The following MINDY1 variants were observed in gnomAD, a reference collection of about 807,000 sequenced individuals.
MINDY1 encodes the protein MINDY lysine 48 deubiquitinase 1.
Under a neutral mutation model 53.6 loss-of-function variants are expected in MINDY1, and 50 were observed. The observed-to-expected ratio is 0.93, with a 90% CI of 0.74 to 1.18. The LOEUF is 1.18. Among genes scored for constraint, MINDY1 ranks in the 50% most tolerant of loss-of-function variants. The pLI is 0.00. For missense variants in MINDY1, 484 were observed against 578.6 expected, an observed-to-expected ratio of 0.84 and a Z score of 1.68; for synonymous variants, 231 against 234.7, an observed-to-expected ratio of 0.98 and a Z score of 0.14.
chr1:151,000,648 A>T (rs781028977), intron 4 of MINDY1, 33 bp from the exon 5 acceptor site: 5 of 1,590,756 alleles, frequency 3.1e-6, no homozygotes, highest in Non-Finnish European at 4.3e-6. Flanking sequence ...TGGAGATTCT[A>T]GCCTTCTCTC....
At position 150,997,892 on chromosome 1, in the gene MINDY1, A is replaced by T; in HGVS notation, c.1174-113T>A. ...TCAAATTCTCTAGCTCTTTCTCCCCACAGAGCAGCACACACAGCCAAATGC... is the reference window on the plus strand; with the variant it reads ...TCAAATTCTCTAGCTCTTTCTCCCCTCAGAGCAGCACACACAGCCAAATGC... On this transcript the variant is annotated intron_variant, in intron 8 of 9. Coordinates refer to ENST00000683666, the MANE Select transcript of MINDY1 (RefSeq NM_001376665.1). 3.2e-6 allele frequency: 4 copies of T among 1,251,456 alleles called. No individual in the cohort carries two copies. The South Asian group carries it at 5.9e-5, about 19-fold the overall frequency. 77.5% of individuals were successfully genotyped at this position (1,251,456 alleles called of 1,614,324 possible). A position where few individuals can be genotyped will look rare whatever the true frequency, so the allele number is the denominator to read the frequency against.
chr1:150,999,225 A>G lies in MINDY1; in HGVS notation c.981+144T>C. 8.3e-7 allele frequency: 1 copy of G among 1,201,062 alleles called. No individual in the cohort carries two copies. Among genetic ancestry groups the G allele is most frequent in the East Asian group, 2.4e-5 (1 of 42,142 alleles). 74.4% of individuals were successfully genotyped at this position (1,201,062 alleles called of 1,614,324 possible). A position where few individuals can be genotyped will look rare whatever the true frequency, so the allele number is the denominator to read the frequency against. ...AGTGGACACGCACCAGGAGCGGGAA[A>G]TGAACCTTTGTTGTGGTAAACCACA... On this transcript the variant is annotated intron_variant, in intron 7 of 9. Transcript: ENST00000683666. This position sits in a 1 kb window ranked among gnomAD's most constrained non-coding sequence, Gnocchi z 4.4.
chr1:150,997,541 C>G, intron 9 of MINDY1, 83 bp downstream of exon 9: 3 of 1,598,122 alleles, frequency 1.9e-6, no homozygotes, highest in Non-Finnish European at 2.5e-6. Context: ...CTTGAAGAGA[C>G]CAGTGCAGGA....
chr1:151,002,451 G>T lies in MINDY1; in HGVS notation c.167C>A (p.Ala56Asp). 1.9e-6 allele frequency: 3 copies of T among 1,614,184 alleles called. No homozygotes were observed. Among genetic ancestry groups the T allele is most frequent in the Non-Finnish European group, 2.5e-6 (3 of 1,180,038 alleles). The change falls in exon 2 of 10, where the codon GCT becomes GAT. Residue 56 changes from alanine (A) to aspartate (D), a missense_variant. Ala to Asp is a moderately radical substitution (Grantham distance 126, BLOSUM62 -2). Coordinates refer to ENST00000683666, the MANE Select transcript of MINDY1 (RefSeq NM_001376665.1). The surrounding 1 kb of genome is among the most constrained non-coding windows in gnomAD (Gnocchi z 4.1). The part of the protein sequence containing the change: ...EAREREPADQ[A>D]LLPSQCGDNL... The stretch of plus-strand genomic sequence containing the variant: ...GTCCCCACACTGGCTAGGCAGCAAA[G>T]CTTGGTCTGCTGGCTCCCGTTCTCT...
upstream of MINDY1, chr1:151,008,162 G>T: frequency 1.2e-6 from 1 of 844,308 alleles, no homozygotes; most frequent in Non-Finnish European, 1.4e-6. Flanking sequence ...CAGATGCTCG[G>T]TGTGATATAT....
chr1:151,004,002 AAC>A lies in MINDY1; in HGVS notation c.-89-1298_-89-1297del, dbSNP rs370994395. Reference sequence around the variant, plus strand: ...CAATGGTGCGACCTCGGCTCACTGCAACCTCTGCCTCCTGGGTTCAAGTGATT... The same window carrying A: ...CAATGGTGCGACCTCGGCTCACTGCACTCTGCCTCCTGGGTTCAAGTGATT... On this transcript the variant is annotated intron_variant, in intron 1 of 9. Transcript: ENST00000683666. Among the ~76,000 whole-genome samples the A allele has an allele frequency of 2.5e-3, 381 of 152,184 alleles. 3 individuals are homozygous for A. Among genetic ancestry groups the A allele is most frequent in the African/African-American group, 8.7e-3 (360 of 41,508 alleles).
At chr1:151,000,348 C>T (rs944178047) in intron 5 of MINDY1, 109 bp downstream of exon 5, 7 of 1,175,166 alleles carry the variant, frequency 6.0e-6, no homozygotes, top group Non-Finnish European at 8.3e-6. Context: ...CACTATTTCC[C>T]TCCCAAGCCA....
rs1158396711 is a variant in MINDY1, at chr1:150,999,963, C to A, written c.737G>T (p.Ser246Ile). 6.2e-7 allele frequency: 1 copy of A among 1,613,200 alleles called. No homozygotes were observed. Among genetic ancestry groups the A allele is most frequent in the East Asian group, 2.2e-5 (1 of 44,864 alleles). Residue 246 changes from serine (S) to isoleucine (I), a missense_variant and splice_region_variant, in exon 6 of 10, where the codon AGT becomes ATT. By Grantham distance (142) the Ser-to-Ile change is moderately radical. Coordinates refer to ENST00000683666, the MANE Select transcript of MINDY1 (RefSeq NM_001376665.1). This position sits in a 1 kb window ranked among gnomAD's most constrained non-coding sequence, Gnocchi z 4.4. ...CCCAACTGCACGCACAGCCTCAGGACTCTGCTTGGGTAGTGGGATGTGGGA... is the reference window on the plus strand; with the variant it reads ...CCCAACTGCACGCACAGCCTCAGGAATCTGCTTGGGTAGTGGGATGTGGGA... ...LYHGWLVDPQSPEAVRAVGKL... is the reference protein window; with the variant it reads ...LYHGWLVDPQIPEAVRAVGKL...
chr1:150,997,643 G>GTCCGCA lies in MINDY1; in HGVS notation c.1304_1309dup (p.Met435_Arg436dup). On this transcript the variant is annotated inframe_insertion, in exon 9 of 10. Transcript: ENST00000683666. The stretch of plus-strand genomic sequence containing the variant: ...GCCCACCTGCAGTGACAGGACCCGC[G>GTCCGCA]TCCGCATCCGCACTGGCTGCGCTGC... 6.8e-6 allele frequency: 11 copies of GTCCGCA among 1,610,266 alleles called. No individual in the cohort carries two copies. The highest frequency in any genetic ancestry group is 9.3e-6 in the Non-Finnish European group (11 of 1,180,030).
At position 151,002,552 on chromosome 1, in the gene MINDY1, A is replaced by T. The variant is rs1672703575; in HGVS notation, c.66T>A (p.Pro22=). The part of the protein sequence containing the change: ...GKAGTAEAVI[P]ENHEVLAGPD... ...GGCCTGCCAGAACCTCATGGTTTTCAGGGATGACTGCTTCTGCAGTCCCGG... is the reference window on the plus strand; with the variant it reads ...GGCCTGCCAGAACCTCATGGTTTTCTGGGATGACTGCTTCTGCAGTCCCGG... The change falls in exon 2 of 10, where the codon CCT becomes CCA. Residue 22 remains proline (P), a synonymous_variant. Transcript: ENST00000683666. This position sits in a 1 kb window ranked among gnomAD's most constrained non-coding sequence, Gnocchi z 4.1. 6.2e-7 allele frequency: 1 copy of T among 1,614,072 alleles called. No homozygotes were observed. Among genetic ancestry groups the T allele is most frequent in the African/African-American group, 1.3e-5 (1 of 74,918 alleles).
chr1:151,001,912 G>A, intron 2 of MINDY1, 130 bp from the exon 3 acceptor site: 1 of 998,260 alleles, frequency 1.0e-6, no homozygotes, highest in Non-Finnish European at 1.4e-6. Context: ...CTGGCACAAG[G>A]GAATGAATGT....
At chr1:151,006,137 G>A in intron 1 of MINDY1, 175 bp downstream of exon 1, 1 of 1,551,678 alleles carries the variant, frequency 6.4e-7, no homozygotes, top group South Asian at 1.2e-5. Flanking sequence ...TCATTAAAAG[G>A]AGGAGGACCA....
rs188544802 is a variant in MINDY1 at position 150,998,298 on chromosome 1, T to C, written c.982-25A>G. 5.7e-5 allele frequency: 90 copies of C among 1,590,004 alleles called. 1 individual carries two copies. Among genetic ancestry groups the C allele is most frequent in the Admixed American group, 3.2e-4 (18 of 56,460 alleles). On this transcript the variant is annotated intron_variant, in intron 7 of 9. Coordinates refer to ENST00000683666, the MANE Select transcript of MINDY1 (RefSeq NM_001376665.1). Reference sequence around the variant, plus strand: ...TCTACAAAGAAAAGAACAGAGCTCATTGGGGGGACAGTTGATACGGAGGCA... The same window carrying C: ...TCTACAAAGAAAAGAACAGAGCTCACTGGGGGGACAGTTGATACGGAGGCA...
Position 151,006,846 on chromosome 1 carries a change from G to A in MINDY1, c.-624C>T, listed in dbSNP as rs587739786. 1 of 985,482 alleles carries A rather than the reference G, an allele frequency of 1.0e-6. No homozygotes were observed. Among genetic ancestry groups the A allele is most frequent in the Non-Finnish European group, 1.2e-6 (1 of 829,978 alleles). 61.0% of individuals were successfully genotyped at this position (985,482 alleles called of 1,614,324 possible). On this transcript the variant is annotated 5_prime_UTR_variant, in exon 1 of 10. Coordinates refer to ENST00000683666, the MANE Select transcript of MINDY1 (RefSeq NM_001376665.1). ...CGAGAAACAGGAGAGAAAAACAACA[G>A]ACCCTTTCTCTTCCCTCTGCCTGCC...
rs375355944 is a variant in MINDY1 at position 150,999,338 on chromosome 1, C to A, written c.981+31G>T. On this transcript the variant is annotated intron_variant, in intron 7 of 9. Coordinates refer to ENST00000683666, the MANE Select transcript of MINDY1 (RefSeq NM_001376665.1). The surrounding 1 kb of genome is among the most constrained non-coding windows in gnomAD (Gnocchi z 4.4). ...AAAAAGGCACCAGGAAATGACAGCACCGCAGCACGCCACCCCCAAACTCGC... is the reference window on the plus strand; with the variant it reads ...AAAAAGGCACCAGGAAATGACAGCAACGCAGCACGCCACCCCCAAACTCGC... The A allele has an allele frequency of 1.9e-6, 3 of 1,612,912 alleles. No individual in the cohort carries two copies. Among genetic ancestry groups the A allele is most frequent in the Non-Finnish European group, 2.5e-6 (3 of 1,179,126 alleles).
chr1:151,001,511 A>AT (rs1672565113), intron 3 of MINDY1, among the ~76,000 whole-genome samples, 197 bp from the exon 4 acceptor site: 1 of 152,212 alleles, frequency 6.6e-6, no homozygotes, highest in South Asian at 2.1e-4. Flanking sequence ...CCAGGGTCAG[A>AT]TACAAAAGCT....
In MINDY1 at chr1:151,002,663, C is replaced by G; in HGVS notation, c.-46G>C. 6.2e-7 allele frequency: 1 copy of G among 1,613,678 alleles called. No homozygotes were observed. Among genetic ancestry groups the G allele is most frequent in the South Asian group, 1.1e-5 (1 of 91,064 alleles). On this transcript the variant is annotated 5_prime_UTR_variant, in exon 2 of 10. Transcript: ENST00000683666. The surrounding 1 kb of genome is among the most constrained non-coding windows in gnomAD (Gnocchi z 4.1). ...AGGGGCACTGAAGGTGTTTACTAACCTCAGGGACTTGCCTAAGCCAGGCTT... is the reference window on the plus strand; with the variant it reads ...AGGGGCACTGAAGGTGTTTACTAACGTCAGGGACTTGCCTAAGCCAGGCTT...
chr1:151,005,981 C>A (rs587725598), intron 1 of MINDY1: 391 of 1,308,848 alleles, frequency 3.0e-4, no homozygotes, highest in Admixed American at 4.1e-4. Flanking sequence ...GGAACAGTTC[C>A]CTTACTGTCT....
chr1:151,004,731 AAAAATAAAATAAAATAAAAT>A lies in MINDY1; in HGVS notation c.-90+1561_-90+1580del, dbSNP rs139261422. 9.6e-3 allele frequency among the ~76,000 whole-genome samples: 1,312 copies of A among 136,578 alleles called. 26 individuals carry two copies. Among genetic ancestry groups the A allele is most frequent in the African/African-American group, 0.03 (1,092 of 36,290 alleles). 89.6% of individuals were successfully genotyped at this position (136,578 alleles called of 152,430 possible). A position where few individuals can be genotyped will look rare whatever the true frequency, so the allele number is the denominator to read the frequency against. On this transcript the variant is annotated intron_variant, in intron 1 of 9. Transcript: ENST00000683666. ...GGGTGACAGAGCGAAACTCCATCTC[AAAAATAAAATAAAATAAAAT>A]AAAATAAAATAAAATAAAATAAAAT...
Sources: allele counts gnomAD v4.1 joint callset (sites outside exome capture counted in the v4.1 genomes callset), GRCh38; gene constraint gnomAD v4.1.1; non-coding constraint Gnocchi (gnomAD v3.1); transcripts MANE v1.5; gene names NCBI Gene and HGNC (gene_info 2026-07-23, HGNC 2026-07-21).